ERN1: variants seen among roughly 807,000 people sequenced by gnomAD.
ERN1 encodes endoplasmic reticulum to nucleus signaling 1.
Under a neutral mutation model 113.1 loss-of-function variants are expected in ERN1, and 39 were observed. The observed-to-expected ratio is 0.34, with a 90% CI of 0.27 to 0.45. ERN1 has a LOEUF of 0.45. Among genes scored for constraint, ERN1 ranks in the 20% least tolerant of loss-of-function variants. ERN1 has a pLI of 1.00. For missense variants in ERN1, 976 were observed against 1,274.8 expected (o/e 0.77, Z 3.57); for synonymous variants, 507 against 515.9 (o/e 0.98, Z 0.23).
chr17:64,046,769 C>T (rs1912527198), intron 19 of ERN1, among the ~76,000 whole-genome samples: 1 of 152,218 alleles, frequency 6.6e-6, no homozygotes, highest in African/African-American at 2.4e-5. Context: ...GTACGGTGCC[C>T]ACCAAGCTGC....
chr17:64,082,432 C>T (rs944691817), intron 2 of ERN1, among the ~76,000 whole-genome samples: 6 of 152,192 alleles, frequency 3.9e-5, no homozygotes, highest in Admixed American at 6.5e-5. Context: ...ATTTTAACAC[C>T]GGCCTGAAGG....
intron 5 of ERN1, chr17:64,074,974 T>C (rs558225050): frequency 1.7e-6 from 1 of 572,856 alleles, no homozygotes; most frequent in South Asian, 2.2e-5. Flanking sequence ...ACCATATTAA[T>C]GATGTCAATT....
chr17:64,084,134 C>T (rs1026190283), intron 2 of ERN1, among the ~76,000 whole-genome samples: 9 of 152,080 alleles, frequency 5.9e-5, no homozygotes, highest in Non-Finnish European at 1.2e-4. Flanking sequence ...TTCCCACCAA[C>T]GCCTCAGCCT....
intron 1 of ERN1, chr17:64,103,042 C>T: frequency 1.4e-6 from 1 of 733,762 alleles, no homozygotes; most frequent in South Asian, 6.2e-5. Context: ...AATTGGTCCC[C>T]ACAGACATCA....
chr17:64,088,186 C>T lies in ERN1; in HGVS notation c.176-7378G>A, dbSNP rs573006661. On this transcript the variant is annotated intron_variant, in intron 2 of 21. Transcript: ENST00000433197. ...TTCTCTTATCTTTCCCAGATGAGCA[C>T]GGATATTTCTGGAACACCCTGCTTT... Among the ~76,000 whole-genome samples the T allele has an allele frequency of 6.6e-5, 10 of 152,198 alleles. No individual in the cohort carries two copies. The South Asian group carries it at 1.5e-3, about 22-fold the overall frequency.
chr17:64,055,739 C>T lies in ERN1; in HGVS notation c.1608G>A (p.Ser536=), dbSNP rs1196568012. ...TGGAGGCAGAGCTGCCGGAGCAGAG[C>T]GAGTGGTTGGAGGCCCTGGGGGACG... ...PSTSPRASNH[S]LCSGSSASKA... Residue 536 remains serine, a synonymous_variant, in exon 13 of 22, where the codon TCG becomes TCA. Coordinates refer to ENST00000433197, the MANE Select transcript of ERN1 (RefSeq NM_001433.5). 8.7e-6 allele frequency: 14 copies of T among 1,611,564 alleles called. No individual in the cohort carries two copies. Among genetic ancestry groups the T allele is most frequent in the African/African-American group, 1.3e-5 (1 of 74,872 alleles).
chr17:64,047,873 C>T lies in ERN1; in HGVS notation c.2514G>A (p.Gln838=), dbSNP rs1912559346. Residue 838 remains glutamine (Q), a synonymous_variant, in exon 19 of 22, where the codon CAG becomes CAA. Coordinates refer to ENST00000433197, the MANE Select transcript of ERN1 (RefSeq NM_001433.5). Reference sequence around the variant, plus strand: ...ACGTCTCTACCTGGAAGAACTGGAGCTGCTTCTCTAGGCTCCAGAAGAACG... The same window carrying T: ...ACGTCTCTACCTGGAAGAACTGGAGTTGCTTCTCTAGGCTCCAGAAGAACG... ...KHPFFWSLEK[Q]LQFFQDVSDR... 6.2e-7 allele frequency: 1 copy of T among 1,610,656 alleles called. No individual in the cohort carries two copies. The highest frequency in any genetic ancestry group is 8.5e-7 in the Non-Finnish European group (1 of 1,177,738).
intron 11 of ERN1, among the ~76,000 whole-genome samples, chr17:64,058,996 C>A (rs540072547): frequency 6.6e-6 from 1 of 152,268 alleles, no homozygotes; most frequent in South Asian, 2.1e-4. Flanking sequence ...TATTTTAAAA[C>A]ATACTTTTTC....
rs1567872942 is a variant in ERN1, at chr17:64,079,724, G to C, written c.220C>G (p.Leu74Val). 6.2e-7 allele frequency: 1 copy of C among 1,613,386 alleles called. No individual in the cohort carries two copies. Among genetic ancestry groups the C allele is most frequent in the African/African-American group, 1.3e-5 (1 of 75,026 alleles). ...AGGCTGCCATCATTAGGATCTGGGAGAAAGGCAGGCCTAGAGATTAAATAA... is the reference window on the plus strand; with the variant it reads ...AGGCTGCCATCATTAGGATCTGGGACAAAGGCAGGCCTAGAGATTAAATAA... ...VPTHVEEPAF[L>V]PDPNDGSLYT... Residue 74 changes from leucine (L) to valine (V), a missense_variant, in exon 4 of 22, where the codon CTC becomes GTC. Leu to Val is a conservative substitution (Grantham distance 32, BLOSUM62 1). Transcript: ENST00000433197.
In ERN1 at chr17:64,057,837, T is replaced by C. The variant is rs775178245; in HGVS notation, c.1363A>G (p.Ile455Val). ...GTGATGATGAAGGCCACCCAGCCAA[T>C]CAGCAGGAAGGTGCTCAGGATGATG... The part of the protein sequence containing the change: ...ATIILSTFLL[I>V]GWVAFIITYP... Residue 455 changes from isoleucine (I) to valine (V), a missense_variant, in exon 12 of 22, where the codon ATT becomes GTT. Coordinates refer to ENST00000433197, the MANE Select transcript of ERN1 (RefSeq NM_001433.5). 6.2e-7 allele frequency: 1 copy of C among 1,613,908 alleles called. No individual in the cohort carries two copies.
Position 64,047,795 on chromosome 17 carries a change from G to A in ERN1, c.2529+63C>T, listed in dbSNP as rs971601727. 8 of 1,438,658 alleles carry A rather than the reference G, an allele frequency of 5.6e-6. No homozygotes were observed. The African/African-American group carries it at 9.9e-5, about 18-fold the overall frequency. 89.1% of individuals were successfully genotyped at this position (1,438,658 alleles called of 1,614,324 possible). On this transcript the variant is annotated intron_variant, in intron 19 of 21. Transcript: ENST00000433197. ...TTTATTTTATTCTTTGTCCTTTTCTGTATTTTCAAAATCTGAAAAACATTA... is the reference window on the plus strand; with the variant it reads ...TTTATTTTATTCTTTGTCCTTTTCTATATTTTCAAAATCTGAAAAACATTA...
At chr17:64,078,742 C>T (rs979952551) in intron 4 of ERN1, among the ~76,000 whole-genome samples, 10 of 152,150 alleles carry the variant, frequency 6.6e-5, no homozygotes, top group African/African-American at 1.2e-4. Flanking sequence ...TGGTGGCTCA[C>T]GTCTGTAATC....
Position 64,054,333 on chromosome 17 carries a change from T to G in ERN1, c.1870A>C (p.Asn624His). 1.2e-6 allele frequency: 2 copies of G among 1,613,398 alleles called. No homozygotes were observed. Among genetic ancestry groups the G allele is most frequent in the African/African-American group, 1.3e-5 (1 of 75,048 alleles). ...TCCGTGCAGAAGTAGCGGATCACGT[T>G]CGGGTGCTCATCCGATTCTCGCAAC... is the stretch of plus-strand genomic sequence containing the variant. The part of the protein sequence containing the change: ...QLLRESDEHP[N>H]VIRYFCTEKD... The change falls in exon 15 of 22, where the codon AAC (asparagine) becomes CAC (histidine). Residue 624 changes from asparagine to histidine, a missense_variant. Physicochemically the swap from Asn to His is moderately conservative, Grantham distance 68 (BLOSUM62 1). This residue lies in a region of ERN1 where 297 missense variants were observed against 457.8 expected (regional missense o/e 0.65). Transcript: ENST00000433197. The surrounding 1 kb of genome is among the most constrained non-coding windows in gnomAD (Gnocchi z 4.9).
chr17:64,066,636 C>G (rs774862847), intron 8 of ERN1, 35 bp downstream of exon 8: 3 of 1,608,696 alleles, frequency 1.9e-6, no homozygotes, highest in Admixed American at 3.3e-5. Flanking sequence ...ACGAAGGCCA[C>G]GGCCGCCCTC....
intron 10 of ERN1, among the ~76,000 whole-genome samples, chr17:64,062,191 G>A (rs184097084): frequency 7.9e-5 from 12 of 152,342 alleles, no homozygotes; most frequent in African/African-American, 2.4e-4. Context: ...AGGCTCTCCC[G>A]GGCTTATATA....
At position 64,052,796 on chromosome 17, in the gene ERN1, T is replaced by C. The variant is rs1352296317; in HGVS notation, c.2237A>G (p.Asp746Gly). ...ATTACTCACAGGGTTCTCCTTACAG[T>C]CTTCGCTCAGCATCTCTGGAGCGAT... ...GWIAPEMLSE[D>G]CKENPTYTVD... Residue 746 changes from aspartate to glycine, a missense_variant, in exon 17 of 22, where the codon GAC becomes GGC. Asp to Gly is a moderately conservative substitution (Grantham distance 94). Around this residue, in one of 5 missense-constraint regions of ERN1, gnomAD observed 297 missense variants for 457.8 expected, o/e 0.65. Transcript: ENST00000433197. The C allele has an allele frequency of 6.2e-7, 1 of 1,613,926 alleles. No individual in the cohort carries two copies. The highest frequency in any genetic ancestry group is 8.5e-7 in the Non-Finnish European group (1 of 1,179,852).
intron 6 of ERN1, among the ~76,000 whole-genome samples, chr17:64,070,016 C>T (rs1024484492): frequency 6.6e-6 from 1 of 152,176 alleles, no homozygotes; most frequent in Non-Finnish European, 1.5e-5. Flanking sequence ...GTCTATATCT[C>T]TACCCTTGAT....
rs1200742374 is a variant in ERN1, at chr17:64,060,593, A to G, written c.1088-6T>C. ...CAGTGGGGTTTCATGGTGTCCTATG[A>G]CAGGAAACAAAACCTTTAGTGAGAA... On this transcript the variant is annotated splice_region_variant and splice_polypyrimidine_tract_variant and intron_variant, in intron 10 of 21. Transcript: ENST00000433197. 1.3e-6 allele frequency: 2 copies of G among 1,598,044 alleles called. No homozygotes were observed. The highest frequency in any genetic ancestry group is 1.7e-5 in the Admixed American group (1 of 59,994).
Position 64,054,940 on chromosome 17 carries a change from G to C in ERN1, c.1673-112C>G, listed in dbSNP as rs1441748794. ...TCAGATTAAAAGATGGGATTTAAGA[G>C]GCACTGCACCCCAGACTGCTGCTCA... On this transcript the variant is annotated intron_variant, in intron 13 of 21. Coordinates refer to ENST00000433197, the MANE Select transcript of ERN1 (RefSeq NM_001433.5). This position sits in a 1 kb window ranked among gnomAD's most constrained non-coding sequence, Gnocchi z 4.9. 3 of 841,734 alleles carry C rather than the reference G, an allele frequency of 3.6e-6. No homozygotes were observed. In the Admixed American group the frequency reaches 6.8e-5, roughly 19 times the overall value. The allele number at this position is 841,734 out of a possible 1,614,324, so 52.1% of individuals were successfully genotyped here. A position where few individuals can be genotyped will look rare whatever the true frequency, so the allele number is the denominator to read the frequency against.
Sources: gnomAD v4.1 joint callset for allele counts (sites outside exome capture counted in the v4.1 genomes callset) on GRCh38, gnomAD v4.1.1 for gene constraint, gnomAD v4.1.1 regional missense constraint, Gnocchi (gnomAD v3.1) non-coding constraint, MANE v1.5 for transcripts, NCBI Gene and HGNC (gene_info 2026-07-23, HGNC 2026-07-21) for gene names.